CR1L: variants seen among roughly 807,000 people sequenced by gnomAD.
The protein encoded by CR1L is complement component receptor 1-like protein.
A neutral mutation model predicts 62.3 loss-of-function variants in CR1L; 59 were observed. The ratio of observed to expected loss-of-function variants is 0.95; its 90% CI spans 0.77 to 1.18. The LOEUF (loss-of-function observed/expected upper bound fraction) is 1.18, where lower values mean the gene tolerates loss of function less well. Ranked by LOEUF, CR1L falls within the 50% of genes most tolerant of loss-of-function variation. The pLI is 0.00. For missense variants in CR1L, 700 were observed against 702.8 expected (o/e 1.00, Z 0.04); for synonymous variants, 279 against 248.7 (o/e 1.12, Z -1.15).
intron 7 of CR1L, among the ~76,000 whole-genome samples, chr1:207,698,582 C>T (rs1664143895): frequency 6.6e-6 from 1 of 152,226 alleles, no homozygotes; most frequent in African/African-American, 2.4e-5. Flanking sequence ...CAAAAGCCAG[C>T]ACCCAGTAAG....
chr1:207,687,494 C>T (rs578114053), intron 4 of CR1L, among the ~76,000 whole-genome samples: 1 of 152,160 alleles, frequency 6.6e-6, no homozygotes, highest in Non-Finnish European at 1.5e-5. Context: ...ACCCCAGAAG[C>T]CTTCCTGATG....
chr1:207,655,085 T>C, intron 1 of CR1L: 1 of 311,350 alleles, frequency 3.2e-6, no homozygotes, highest in South Asian at 4.6e-5. Context: ...ACCACCCCCC[T>C]CAAATTACTG....
intron 9 of CR1L, among the ~76,000 whole-genome samples, chr1:207,703,281 G>A (rs1271812582): frequency 2.0e-5 from 3 of 152,176 alleles, no homozygotes; most frequent in East Asian, 1.9e-4. Flanking sequence ...AAGCTTCAAA[G>A]GATAGGCTGC....
At chr1:207,710,406 A>G (rs1386432158) in intron 10 of CR1L, 6 of 1,542,026 alleles carry the variant, frequency 3.9e-6, no homozygotes, top group Non-Finnish European at 5.4e-6. Context: ...CTACCCCCCA[A>G]CATCACCAAT....
chr1:207,708,348 C>G, intron 10 of CR1L, 85 bp downstream of exon 10: 1 of 1,516,598 alleles, frequency 6.6e-7, no homozygotes, highest in Non-Finnish European at 9.1e-7. Context: ...AATCTCATCC[C>G]TCTTGGAAAT....
chr1:207,693,180 C>G (rs1469661634), intron 4 of CR1L, among the ~76,000 whole-genome samples: 1 of 152,154 alleles, frequency 6.6e-6, no homozygotes. Flanking sequence ...TGCAGTGGCG[C>G]GATCTCGGCT....
chr1:207,701,355 G>T (rs1250559151), intron 8 of CR1L, among the ~76,000 whole-genome samples, 164 bp from the exon 9 acceptor site: 1 of 152,144 alleles, frequency 6.6e-6, no homozygotes, highest in East Asian at 1.9e-4. Flanking sequence ...CTTAGTAGGT[G>T]GCTGATCCTG....
intron 1 of CR1L, among the ~76,000 whole-genome samples, chr1:207,650,899 C>T (rs151195701): frequency 2.6e-5 from 4 of 152,042 alleles, no homozygotes; most frequent in African/African-American, 9.6e-5. Flanking sequence ...AATTCTTCTG[C>T]CTCAGCCTCC....
intron 10 of CR1L, among the ~76,000 whole-genome samples, chr1:207,709,629 G>C (rs911618471): frequency 6.6e-6 from 1 of 152,230 alleles, no homozygotes; most frequent in South Asian, 2.1e-4. Context: ...TTGAGGTCAG[G>C]AGTTCAAGAC....
rs1175190055 is a variant in CR1L at position 207,694,746 on chromosome 1, C to T, written c.857C>T (p.Ser286Phe). Residue 286 changes from serine (S) to phenylalanine (F), a missense_variant, in exon 5 of 12, where the codon TCC becomes TTC. Physicochemically the swap from Ser to Phe is radical, Grantham distance 155. Coordinates refer to ENST00000508064, the MANE Select transcript of CR1L (RefSeq NM_175710.2). ...NKWEPELPSC[S>F]RVCQPPPDVL... is the part of the protein sequence containing the mutation. Reference sequence around the variant, plus strand: ...TGGGAGCCAGAGTTACCAAGCTGCTCCAGGGGTGAGTCTGACTGAGGCCTA... The same window carrying T: ...TGGGAGCCAGAGTTACCAAGCTGCTTCAGGGGTGAGTCTGACTGAGGCCTA... 3 of 1,611,700 alleles carry T rather than the reference C, an allele frequency of 1.9e-6. No homozygotes were observed. In the African/African-American group the frequency reaches 4.0e-5, roughly 22 times the overall value.
intron 1 of CR1L, among the ~76,000 whole-genome samples, chr1:207,669,939 AC>A (rs1462760303): frequency 6.6e-6 from 1 of 151,068 alleles, no homozygotes; most frequent in Non-Finnish European, 1.5e-5. Context: ...GATCCGACAA[AC>A]CTGAGTTCTG....
rs142791896 is a variant in CR1L, at chr1:207,649,829, T to C, written c.97+4499T>C. Among the ~76,000 whole-genome samples the C allele has an allele frequency of 5.3e-5, 8 of 152,290 alleles. No homozygotes were observed. In the East Asian group the frequency reaches 1.5e-3, roughly 29 times the overall value. On this transcript the variant is annotated intron_variant, in intron 1 of 11. Transcript: ENST00000508064. ...AACCTTGATTACTCTGTCATATAAA[T>C]ACTGCTCTGGTAATGTGAAAAATGA...
At chr1:207,664,232 GC>G (rs1663473925) in intron 1 of CR1L, among the ~76,000 whole-genome samples, 1 of 152,214 alleles carries the variant, frequency 6.6e-6, no homozygotes, top group African/African-American at 2.4e-5. Flanking sequence ...TGTAGGAAGA[GC>G]ATTAGCCTGC....
chr1:207,717,150 G>A (rs989340318), intron 10 of CR1L, among the ~76,000 whole-genome samples: 1 of 152,094 alleles, frequency 6.6e-6, no homozygotes, highest in Non-Finnish European at 1.5e-5. Flanking sequence ...TACTATGCCT[G>A]ATTTAAAGTA....
At chr1:207,666,847 G>A (rs927220374) in intron 1 of CR1L, among the ~76,000 whole-genome samples, 1 of 152,032 alleles carries the variant, frequency 6.6e-6, no homozygotes, top group African/African-American at 2.4e-5. Context: ...ACCCCTAAAC[G>A]TAAAAGTTAA....
chr1:207,652,576 G>T lies in CR1L; in HGVS notation c.97+7246G>T, dbSNP rs1338916107. ...CTATGAGGAGCCACCAACATTTGAA[G>T]CTATGGAGCTCATTGGTAAACCAAA... On this transcript the variant is annotated intron_variant, in intron 1 of 11. Coordinates refer to ENST00000508064, the MANE Select transcript of CR1L (RefSeq NM_175710.2). The T allele has an allele frequency of 7.1e-6, 11 of 1,556,646 alleles. No homozygotes were observed. In the Admixed American group the frequency reaches 1.8e-4, roughly 26 times the overall value.
At chr1:207,647,332 C>T (rs912177828) in intron 1 of CR1L, among the ~76,000 whole-genome samples, 4 of 152,184 alleles carry the variant, frequency 2.6e-5, no homozygotes, top group African/African-American at 7.2e-5. Flanking sequence ...GAACGTTCTC[C>T]CCATGACCTG....
At chr1:207,648,275 A>T (rs1032476329) in intron 1 of CR1L, among the ~76,000 whole-genome samples, 2 of 152,098 alleles carry the variant, frequency 1.3e-5, no homozygotes, top group Admixed American at 6.6e-5. Flanking sequence ...GCAATTTGAA[A>T]TAGAGGAACA....
intron 9 of CR1L, among the ~76,000 whole-genome samples, chr1:207,704,614 A>G (rs1213192399): frequency 6.6e-6 from 1 of 152,246 alleles, no homozygotes; most frequent in Non-Finnish European, 1.5e-5. Flanking sequence ...CCCAGCTTTC[A>G]GCAACCACCA....
Sources: allele counts gnomAD v4.1 joint callset (sites outside exome capture counted in the v4.1 genomes callset), GRCh38; gene constraint gnomAD v4.1.1; transcripts MANE v1.5; gene names NCBI Gene and HGNC (gene_info 2026-07-23, HGNC 2026-07-21).